NEDD9: variants seen among roughly 807,000 people sequenced by gnomAD.
NEDD9 encodes neural precursor cell expressed, developmentally down-regulated 9.
Under a neutral mutation model 76.6 loss-of-function variants are expected in NEDD9, and 26 were observed. That is an observed-to-expected ratio of 0.34 (90% CI 0.25 to 0.47). The LOEUF is 0.47. Among genes scored for constraint, NEDD9 ranks in the 20% least tolerant of loss-of-function variants. The pLI is 1.00. For missense variants in NEDD9, 937 were observed against 1,058.5 expected, an observed-to-expected ratio of 0.89 and a Z score of 1.59; for synonymous variants, 392 against 414.2, an observed-to-expected ratio of 0.95 and a Z score of 0.65.
intron 1 of NEDD9, among the ~76,000 whole-genome samples, chr6:11,227,205 C>G (rs1375683077): frequency 2.0e-5 from 3 of 152,186 alleles, no homozygotes; most frequent in Non-Finnish European, 4.4e-5. Context: ...CCACAGAATA[C>G]TCAACAATAT....
Position 11,198,642 on chromosome 6 carries a change from T to G in NEDD9, c.460-4950A>C, listed in dbSNP as rs181161958. 2 of 152,324 alleles carry G rather than the reference T, an allele frequency of 1.3e-5. No individual in the cohort carries two copies. The highest frequency in any genetic ancestry group is 1.3e-4 in the Admixed American group (2 of 15,306). 9.4% of individuals were successfully genotyped at this position (152,324 alleles called of 1,614,324 possible). On this transcript the variant is annotated intron_variant, in intron 2 of 6. Transcript: ENST00000379446. This position sits in a 1 kb window ranked among gnomAD's most constrained non-coding sequence, Gnocchi z 4.7. ...GCATCTCATCTCTTCTTCCAGCATT[T>G]TAAAGTCAGAGATCATTCCCTCTTC...
chr6:11,278,015 C>A (rs957943568), intron 3 of NEDD9, among the ~76,000 whole-genome samples: 1 of 152,140 alleles, frequency 6.6e-6, no homozygotes, highest in Admixed American at 6.5e-5. Flanking sequence ...GAGGGAGGCT[C>A]CTGCAAGAGG....
intron 1 of NEDD9, among the ~76,000 whole-genome samples, chr6:11,342,266 G>GA (rs796990063): frequency 2.6e-5 from 4 of 151,592 alleles, no homozygotes; most frequent in Non-Finnish European, 2.9e-5. Flanking sequence ...AGAGAGAGCA[G>GA]AAAAAATATC....
At chr6:11,264,873 C>G (rs375306522) in intron 3 of NEDD9, among the ~76,000 whole-genome samples, 1 of 128,752 alleles carries the variant, frequency 7.8e-6, no homozygotes, top group African/African-American at 3.2e-5. Flanking sequence ...TTGTTTGTTT[C>G]TTTTTTAAGA....
intron 2 of NEDD9, among the ~76,000 whole-genome samples, chr6:11,206,540 A>G (rs908324911): frequency 7.2e-5 from 11 of 152,256 alleles, no homozygotes; most frequent in Non-Finnish European, 1.6e-4. Context: ...ATATTAAAGC[A>G]GTCTCTTACC....
At chr6:11,333,383 TC>T (rs996587657) in intron 2 of NEDD9, among the ~76,000 whole-genome samples, 2 of 152,224 alleles carry the variant, frequency 1.3e-5, no homozygotes, top group Non-Finnish European at 2.9e-5. Context: ...TCAGTTTCTT[TC>T]CCAATATCTG....
chr6:11,274,804 G>A (rs753837204), intron 3 of NEDD9, among the ~76,000 whole-genome samples: 7 of 152,124 alleles, frequency 4.6e-5, no homozygotes, highest in Non-Finnish European at 1.0e-4. Flanking sequence ...AAAAACAGTA[G>A]GGAAATTCCT....
intron 3 of NEDD9, among the ~76,000 whole-genome samples, chr6:11,289,830 G>T (rs750912334): frequency 3.3e-5 from 5 of 152,104 alleles, no homozygotes; most frequent in Non-Finnish European, 7.4e-5. Flanking sequence ...GAGAGAAGGA[G>T]ATCTCAGACT....
At position 11,334,762 on chromosome 6, in the gene NEDD9, TAAAC is replaced by T. The variant is rs143322472; in HGVS notation, c.-213-205_-213-202del. 6.1e-3 allele frequency among the ~76,000 whole-genome samples: 926 copies of T among 152,342 alleles called. 34 individuals carry two copies. The East Asian group carries it at 0.12, about 20-fold the overall frequency. ...TTATTTTAGACTATGGAAATGATGT[TAAAC>T]AAAAAGCAAATTCAAGCAATTTTTT... On this transcript the variant is annotated intron_variant, in intron 1 of 3. Transcript: ENST00000397378.
chr6:11,248,107 G>A (rs779528003), intron 3 of NEDD9, among the ~76,000 whole-genome samples: 1 of 151,752 alleles, frequency 6.6e-6, no homozygotes, highest in Admixed American at 6.6e-5. Flanking sequence ...TTGGGATATA[G>A]AGCTGAAAGT....
chr6:11,216,370 C>T (rs529610214), intron 1 of NEDD9, among the ~76,000 whole-genome samples: 25 of 152,328 alleles, frequency 1.6e-4, no homozygotes, highest in African/African-American at 4.8e-4. Flanking sequence ...CCGAAGCTTA[C>T]GGCTCCAGGG....
chr6:11,202,364 A>C (rs1399829589), intron 2 of NEDD9, among the ~76,000 whole-genome samples: 1 of 152,218 alleles, frequency 6.6e-6, no homozygotes, highest in African/African-American at 2.4e-5. Context: ...GCATTAACAG[A>C]GCTACCACAG....
intron 1 of NEDD9, among the ~76,000 whole-genome samples, chr6:11,220,834 T>C (rs1428641013): frequency 6.6e-6 from 1 of 152,226 alleles, no homozygotes; most frequent in Non-Finnish European, 1.5e-5. Context: ...CTTGAATGAA[T>C]GCCATCTATT....
chr6:11,308,612 G>A (rs887985852), intron 2 of NEDD9, among the ~76,000 whole-genome samples: 5 of 151,876 alleles, frequency 3.3e-5, no homozygotes, highest in African/African-American at 4.8e-5. Flanking sequence ...CTCGTGATCC[G>A]CCCACCTCAG....
chr6:11,327,721 G>A (rs1233890167), intron 2 of NEDD9, among the ~76,000 whole-genome samples: 2 of 152,264 alleles, frequency 1.3e-5, no homozygotes, highest in Non-Finnish European at 2.9e-5. Flanking sequence ...CAGCAAGAGG[G>A]CCTGTGTGAA....
chr6:11,334,185 T>TA (rs1429064096), intron 2 of NEDD9, among the ~76,000 whole-genome samples: 3 of 152,226 alleles, frequency 2.0e-5, no homozygotes, highest in African/African-American at 7.2e-5. Context: ...AAAGTCTGAG[T>TA]AAATGACTAT....
At chr6:11,201,693 T>A (rs956860262) in intron 2 of NEDD9, among the ~76,000 whole-genome samples, 2 of 141,996 alleles carry the variant, frequency 1.4e-5, no homozygotes, top group African/African-American at 5.7e-5. Context: ...ATCAAAATTT[T>A]AAAAATTACA....
intron 1 of NEDD9, among the ~76,000 whole-genome samples, chr6:11,361,303 A>T (rs114028624): frequency 1.1e-3 from 162 of 152,242 alleles, no homozygotes; most frequent in African/African-American, 3.8e-3. Context: ...AATGCCCGAG[A>T]CTGGGTTAAA....
chr6:11,201,840 G>A (rs1581952288), intron 2 of NEDD9, among the ~76,000 whole-genome samples: 1 of 152,064 alleles, frequency 6.6e-6, no homozygotes, highest in Middle Eastern at 3.4e-3. Context: ...CTGAGTCTAA[G>A]TCTCTACAAT....
Sources: allele counts gnomAD v4.1 joint callset (sites outside exome capture counted in the v4.1 genomes callset), GRCh38; gene constraint gnomAD v4.1.1; non-coding constraint Gnocchi (gnomAD v3.1); transcripts MANE v1.5; gene names NCBI Gene and HGNC (gene_info 2026-07-23, HGNC 2026-07-21).